The following PCGF3 variants were observed in gnomAD, a reference collection of about 807,000 sequenced individuals.
PCGF3 encodes the protein polycomb group RING finger protein 3.
PCGF3 carries 7 observed loss-of-function variants against 33.1 expected under a neutral mutation model. That is an observed-to-expected ratio of 0.21 (90% CI 0.12 to 0.40). PCGF3 has a LOEUF of 0.40. PCGF3 is among the 10% of genes least tolerant of loss of function. The pLI is 1.00. For synonymous variants in PCGF3, 153 were observed against 121.3 expected, an observed-to-expected ratio of 1.26 and a Z score of -1.72; for missense variants, 211 against 313.3, an observed-to-expected ratio of 0.67 and a Z score of 2.46.
exon 4 of PCGF3, chr4:733,787 C>T: frequency 6.2e-7 from 1 of 1,613,762 alleles, no homozygotes; most frequent in Non-Finnish European, 8.5e-7. Context: ...TGTCTGCACA[C>T]CTGTACGTGC....
At chr4:728,485 G>A (rs576059662) in intron 1 of PCGF3, among the ~76,000 whole-genome samples, 1 of 152,150 alleles carries the variant, frequency 6.6e-6, no homozygotes, top group Admixed American at 6.5e-5. Flanking sequence ...GAGCGCGTTG[G>A]GGGGCAGCGT....
At chr4:733,389 T>A (rs1743698715) in intron 3 of PCGF3, among the ~76,000 whole-genome samples, 1 of 152,120 alleles carries the variant, frequency 6.6e-6, no homozygotes, top group Non-Finnish European at 1.5e-5. Flanking sequence ...CCCTCCTCAG[T>A]CCTCACTGCA....
At chr4:761,474 A>G (rs1745053674) in intron 9 of PCGF3, 58 bp downstream of exon 9, 2 of 1,478,914 alleles carry the variant, frequency 1.4e-6, no homozygotes, top group African/African-American at 1.4e-5. Context: ...TCTAAAGGTA[A>G]CTCCAAGATT....
exon 11 of PCGF3, chr4:769,504 T>G (rs1380205872): frequency 6.5e-6 from 1 of 152,718 alleles, no homozygotes; most frequent in African/African-American, 2.4e-5. Context: ...TCAATGTATT[T>G]CTCTGCCTTG....
intron 9 of PCGF3, among the ~76,000 whole-genome samples, chr4:763,803 C>T (rs1745202897): frequency 6.6e-6 from 1 of 152,194 alleles, no homozygotes; most frequent in Non-Finnish European, 1.5e-5. Flanking sequence ...TGGAAGCGAC[C>T]AAGATGCCCT....
chr4:742,175 G>A (rs925698009), intron 6 of PCGF3, among the ~76,000 whole-genome samples: 2 of 142,216 alleles, frequency 1.4e-5, no homozygotes, highest in Non-Finnish European at 3.1e-5. Flanking sequence ...CCAGGCTCTC[G>A]GGGTCCCCTC....
intron 1 of PCGF3, among the ~76,000 whole-genome samples, chr4:726,138 G>A (rs948715740): frequency 6.6e-6 from 1 of 152,246 alleles, no homozygotes; most frequent in Non-Finnish European, 1.5e-5. Flanking sequence ...CCTGTGTGGC[G>A]CTGCGGCCGT....
intron 1 of PCGF3, among the ~76,000 whole-genome samples, chr4:714,021 A>C (rs953326444): frequency 6.6e-6 from 1 of 152,144 alleles, no homozygotes. Flanking sequence ...TGTCCCCCAG[A>C]ATCCATGGGG....
At chr4:712,742 G>T (rs959145689) in intron 1 of PCGF3, among the ~76,000 whole-genome samples, 5 of 152,200 alleles carry the variant, frequency 3.3e-5, no homozygotes. Context: ...CACCGCGCCC[G>T]GCCAATAAAC....
At chr4:726,929 C>G (rs569259715) in intron 1 of PCGF3, among the ~76,000 whole-genome samples, 1 of 152,338 alleles carries the variant, frequency 6.6e-6, no homozygotes, top group East Asian at 1.9e-4. Context: ...CCAGTCCCTG[C>G]CTTGCCTGGA....
In PCGF3 at chr4:753,384, G is replaced by C. The variant is rs576078487; in HGVS notation, c.463-7895G>C. Among the ~76,000 whole-genome samples the C allele has an allele frequency of 3.2e-3, 488 of 152,276 alleles. 2 individuals carry two copies. The highest frequency in any genetic ancestry group is 0.011 in the African/African-American group (467 of 41,544). Reference sequence around the variant, plus strand: ...TTAAGAAGACTCTTGGCCGGGTGCGGTGGCTCACGCCCGTAATCCCAGCAT... The same window carrying C: ...TTAAGAAGACTCTTGGCCGGGTGCGCTGGCTCACGCCCGTAATCCCAGCAT... On this transcript the variant is annotated intron_variant, in intron 8 of 10. Transcript: ENST00000362003.
At chr4:741,865 C>T (rs2152588221) in intron 6 of PCGF3, among the ~76,000 whole-genome samples, 1 of 152,284 alleles carries the variant, frequency 6.6e-6, no homozygotes, top group Non-Finnish European at 1.5e-5. Flanking sequence ...GGGCTCTCTC[C>T]TTTGCACGGA....
intron 6 of PCGF3, among the ~76,000 whole-genome samples, chr4:742,297 C>A (rs1577422784): frequency 6.6e-6 from 1 of 152,304 alleles, no homozygotes; most frequent in East Asian, 1.9e-4. Context: ...AAGCTCGTTG[C>A]CTCACGCGGG....
chr4:765,376 T>G (rs1745305450), intron 10 of PCGF3, among the ~76,000 whole-genome samples: 1 of 150,938 alleles, frequency 6.6e-6, no homozygotes, highest in Non-Finnish European at 1.5e-5. Flanking sequence ...AAGCTTGCAG[T>G]GAGCCAAGAT....
At chr4:763,110 G>A (rs1375503768) in intron 9 of PCGF3, among the ~76,000 whole-genome samples, 1 of 152,064 alleles carries the variant, frequency 6.6e-6, no homozygotes. Flanking sequence ...CGGGCTGCCT[G>A]GAGATCATGG....
At chr4:761,212 A>T in intron 8 of PCGF3, 67 bp from the exon 9 acceptor site, 1 of 1,379,616 alleles carries the variant, frequency 7.2e-7, no homozygotes, top group South Asian at 1.5e-5. Context: ...AAATATGTCT[A>T]AGGAAGCCTC....
chr4:726,275 G>C (rs965760508), intron 1 of PCGF3, among the ~76,000 whole-genome samples: 1 of 152,256 alleles, frequency 6.6e-6, no homozygotes, highest in Non-Finnish European at 1.5e-5. Context: ...GCTCTCTGTT[G>C]GCTAGAGTGG....
intron 6 of PCGF3, among the ~76,000 whole-genome samples, chr4:742,892 G>A (rs1244529163): frequency 1.3e-5 from 2 of 152,218 alleles, no homozygotes; most frequent in Non-Finnish European, 2.9e-5. Flanking sequence ...GGACTCAGGC[G>A]CCTGGGACAC....
At chr4:761,466 T>C in intron 9 of PCGF3, 50 bp downstream of exon 9, 3 of 1,498,822 alleles carry the variant, frequency 2.0e-6, no homozygotes, top group Non-Finnish European at 1.8e-6. Context: ...CTCTTATTTC[T>C]AAAGGTAACT....
Sources: allele counts gnomAD v4.1 joint callset (sites outside exome capture counted in the v4.1 genomes callset), GRCh38; gene constraint gnomAD v4.1.1; transcripts MANE v1.5; gene names NCBI Gene and HGNC (gene_info 2026-07-23, HGNC 2026-07-21).